Variants in SUMF1 observed in about 807,000 individuals in gnomAD.
The protein encoded by SUMF1 is sulfatase modifying factor 1.
SUMF1 carries 48 observed loss-of-function variants against 47.6 expected under a neutral mutation model. That is an observed-to-expected ratio of 1.01 (90% CI 0.80 to 1.28). The LOEUF is 1.28. SUMF1 is among the 50% of genes most tolerant of loss of function. The pLI, the probability that SUMF1 is intolerant of heterozygous loss-of-function variation, is 0.00. For missense variants in SUMF1, 571 were observed against 485.4 expected (o/e 1.18, Z -1.66); for synonymous variants, 230 against 192.1 (o/e 1.20, Z -1.63).
At chr3:4,043,537 C>A (rs1574841904) in intron 9 of SUMF1, among the ~76,000 whole-genome samples, 1 of 152,236 alleles carries the variant, frequency 6.6e-6, no homozygotes, top group East Asian at 1.9e-4. Context: ...TAAGCCACCC[C>A]CCATTCCTCT....
At chr3:4,267,623 A>T (rs867665501) in intron 8 of SUMF1, among the ~76,000 whole-genome samples, 1 of 152,034 alleles carries the variant, frequency 6.6e-6, no homozygotes, top group Non-Finnish European at 1.5e-5. Flanking sequence ...CAGCCAAAAA[A>T]CACATGAAAA....
intron 9 of SUMF1, among the ~76,000 whole-genome samples, chr3:4,064,373 C>T (rs981847387): frequency 2.6e-5 from 4 of 151,944 alleles, no homozygotes; most frequent in Non-Finnish European, 5.9e-5. Flanking sequence ...TGGAAACATC[C>T]GGAAGTTACC....
At chr3:4,316,543 G>A in intron 8 of SUMF1, 4 of 1,563,330 alleles carry the variant, frequency 2.6e-6, no homozygotes, top group Non-Finnish European at 3.5e-6. Flanking sequence ...AAGCAAATTG[G>A]AAAGGTGAAA....
chr3:4,296,914 T>C (rs1308847209), intron 8 of SUMF1, among the ~76,000 whole-genome samples: 3 of 152,204 alleles, frequency 2.0e-5, no homozygotes, highest in African/African-American at 4.8e-5. Context: ...AGTTATGTAA[T>C]GTGAATCGAA....
At chr3:4,302,575 T>A (rs10049315) in intron 8 of SUMF1, among the ~76,000 whole-genome samples, 56,544 of 151,938 alleles carry the variant, frequency 0.37, 11,276 homozygotes, top group East Asian at 0.68. Flanking sequence ...AAGAAGGGCA[T>A]AATGAGGCAT....
At chr3:4,150,298 A>C (rs1405268988) in intron 8 of SUMF1, among the ~76,000 whole-genome samples, 1 of 147,888 alleles carries the variant, frequency 6.8e-6, no homozygotes, top group Non-Finnish European at 1.5e-5. Flanking sequence ...TCAGTGGCTC[A>C]CATCTATAAT....
At chr3:4,436,611 A>C (rs918863023) in intron 3 of SUMF1, among the ~76,000 whole-genome samples, 1 of 151,934 alleles carries the variant, frequency 6.6e-6, no homozygotes, top group Admixed American at 6.6e-5. Flanking sequence ...AAAAAAAAAA[A>C]AACTTCCCAA....
chr3:4,346,460 AG>A (rs1427725229), intron 8 of SUMF1, among the ~76,000 whole-genome samples: 2 of 152,208 alleles, frequency 1.3e-5, no homozygotes, highest in African/African-American at 4.8e-5. Context: ...GGCAGATATC[AG>A]GAAGTTCTTT....
chr3:4,206,451 C>A (rs1695654880), intron 8 of SUMF1, among the ~76,000 whole-genome samples: 2 of 152,100 alleles, frequency 1.3e-5, no homozygotes. Flanking sequence ...TCTGTGGGCA[C>A]CAGGTGAATT....
In SUMF1 at chr3:4,261,070, AG is replaced by A. The variant is rs201737736; in HGVS notation, c.1014+115259del. On this transcript the variant is annotated intron_variant and NMD_transcript_variant, in intron 8 of 12. Coordinates refer to the SUMF1 transcript ENST00000448413. ...ACCAACAATAACTAATACTCACCCT[AG>A]TTTGACACTGTACAGATTGGAAAAC... 7.8e-3 allele frequency among the ~76,000 whole-genome samples: 1,187 copies of A among 152,294 alleles called. 13 individuals carry two copies. The highest frequency in any genetic ancestry group is 0.012 in the Non-Finnish European group (848 of 68,016).
At chr3:4,079,528 G>C (rs1298778534) in intron 8 of SUMF1, among the ~76,000 whole-genome samples, 2 of 151,760 alleles carry the variant, frequency 1.3e-5, no homozygotes, top group Admixed American at 1.3e-4. Flanking sequence ...GATTTCCTAG[G>C]ATCAAAGTCT....
At chr3:4,358,653 C>T (rs961940364), downstream of SUMF1, among the ~76,000 whole-genome samples, 1 of 152,132 alleles carries the variant, frequency 6.6e-6, no homozygotes, top group Admixed American at 6.6e-5. Context: ...TCTTTTAGTG[C>T]ATCTAGTGAT....
Position 4,410,114 on chromosome 3 carries a change from TC to T in SUMF1, c.954+750del, listed in dbSNP as rs781144427. On this transcript the variant is annotated intron_variant, in intron 7 of 8. Transcript: ENST00000272902. ...AGAGATGGGATTTTGCATGATATTC[TC>T]CCCCCCAATCTGTTCACACCATAAA... 4.6e-5 allele frequency among the ~76,000 whole-genome samples: 7 copies of T among 152,182 alleles called. No individual in the cohort carries two copies. The East Asian group carries it at 1.4e-3, about 29-fold the overall frequency.
At chr3:4,103,611 A>C (rs1325623041) in intron 8 of SUMF1, among the ~76,000 whole-genome samples, 1 of 152,164 alleles carries the variant, frequency 6.6e-6, no homozygotes, top group Non-Finnish European at 1.5e-5. Flanking sequence ...CAGTAATTGC[A>C]GCTTGACTTT....
chr3:4,199,948 T>A (rs2125151167), intron 8 of SUMF1, among the ~76,000 whole-genome samples: 1 of 152,240 alleles, frequency 6.6e-6, no homozygotes, highest in South Asian at 2.1e-4. Context: ...TTTCTTAATG[T>A]CATCTTTTGT....
At chr3:4,339,720 A>T (rs1699229774) in intron 8 of SUMF1, among the ~76,000 whole-genome samples, 1 of 152,182 alleles carries the variant, frequency 6.6e-6, no homozygotes, top group African/African-American at 2.4e-5. Context: ...CAATGCACAC[A>T]ACAACTGCTG....
At chr3:4,414,760 A>AT (rs908315833) in intron 6 of SUMF1, 2 of 152,184 alleles carry the variant, frequency 1.3e-5, no homozygotes, top group African/African-American at 4.8e-5. Flanking sequence ...TGAACATTGT[A>AT]TTTTTTGAAA....
intron 8 of SUMF1, among the ~76,000 whole-genome samples, chr3:4,214,818 C>T (rs1382619256): frequency 6.6e-6 from 1 of 152,020 alleles, no homozygotes; most frequent in Non-Finnish European, 1.5e-5. Flanking sequence ...AATTCCTGGA[C>T]ACATACACCC....
intron 8 of SUMF1, among the ~76,000 whole-genome samples, chr3:4,222,640 A>C (rs1276736899): frequency 6.6e-6 from 1 of 152,058 alleles, no homozygotes; most frequent in Admixed American, 6.6e-5. Flanking sequence ...TGCACTTCCA[A>C]GGGTTAGAAG....
Sources: allele counts gnomAD v4.1 joint callset (sites outside exome capture counted in the v4.1 genomes callset), GRCh38; gene constraint gnomAD v4.1.1; transcripts MANE v1.5; gene names NCBI Gene and HGNC (gene_info 2026-07-23, HGNC 2026-07-21).